The following DRC11L variants were observed in gnomAD, a reference collection of about 807,000 sequenced individuals.
The protein encoded by DRC11L is dynein regulatory complex subunit like-11.
the DRC11L span, chr7:151,198,746 C>A: frequency 2.5e-6 from 1 of 398,896 alleles, no homozygotes; most frequent in Non-Finnish European, 4.4e-6. Context: ...CCTGAGGGAC[C>A]CTGAGCGAAG....
chr7:151,192,931 G>T, the DRC11L span: 1 of 398,504 alleles, frequency 2.5e-6, no homozygotes, highest in South Asian at 1.3e-4. Context: ...TTGAGCAGGG[G>T]CTGACCTTGG....
At chr7:151,203,138 G>A in the DRC11L span, 7 of 399,112 alleles carry the variant, frequency 1.8e-5, no homozygotes, top group East Asian at 2.5e-4. Flanking sequence ...ACATGAGGGA[G>A]AGCTTGCATC....
the DRC11L span, among the ~76,000 whole-genome samples, chr7:151,200,129 C>A: frequency 6.6e-6 from 1 of 152,202 alleles, no homozygotes; most frequent in African/African-American, 2.4e-5. Context: ...CCAGGATGCT[C>A]TACACAGTGC....
chr7:151,196,835 T>G, the DRC11L span: 1 of 398,104 alleles, frequency 2.5e-6, no homozygotes, highest in Admixed American at 4.4e-5. Context: ...TACCTCCCTC[T>G]CCTCATTTGG....
At chr7:151,197,352 T>C in the DRC11L span, 2 of 399,088 alleles carry the variant, frequency 5.0e-6, no homozygotes, top group Non-Finnish European at 4.4e-6. Flanking sequence ...CCAAGACATT[T>C]CAGAGAAGAT....
the DRC11L span, among the ~76,000 whole-genome samples, chr7:151,199,531 C>G: frequency 6.6e-6 from 1 of 152,200 alleles, no homozygotes; most frequent in African/African-American, 2.4e-5. The surrounding 1 kb of genome is among the most constrained non-coding windows in gnomAD (Gnocchi z 5.2). Flanking sequence ...TTTCGGCCTG[C>G]TCTCGTCTCC....
At chr7:151,198,653 T>A in the DRC11L span, 1 of 395,938 alleles carries the variant, frequency 2.5e-6, no homozygotes, top group Admixed American at 4.4e-5. Flanking sequence ...GTCAGCAGTG[T>A]GTTGGGGACC....
At chr7:151,204,996 A>T in the DRC11L span, among the ~76,000 whole-genome samples, 14 of 152,222 alleles carry the variant, frequency 9.2e-5, no homozygotes. Context: ...CCCGCAGGGC[A>T]ATGAGTGGAC....
At chr7:151,204,860 G>A in the DRC11L span, 2 of 398,980 alleles carry the variant, frequency 5.0e-6, no homozygotes, top group African/African-American at 2.1e-5. Context: ...GGCGGGCGCC[G>A]CGTGCTCTGA....
chr7:151,193,276 C>T, the DRC11L span: 1 of 399,306 alleles, frequency 2.5e-6, no homozygotes, highest in Admixed American at 4.4e-5. Flanking sequence ...ATGCCAAAAG[C>T]TGGGGGCTCC....
At chr7:151,192,949 T>A in the DRC11L span, 2 of 398,120 alleles carry the variant, frequency 5.0e-6, no homozygotes. Context: ...TGGAGCCCCG[T>A]CTCCACTCCC....
At chr7:151,194,571 A>G in the DRC11L span, 2 of 399,496 alleles carry the variant, frequency 5.0e-6, no homozygotes. Flanking sequence ...CAGAAATAAC[A>G]AGCTCTTCGT....
the DRC11L span, chr7:151,191,656 C>T: frequency 5.0e-6 from 2 of 399,260 alleles, no homozygotes; most frequent in Non-Finnish European, 4.4e-6. Flanking sequence ...ACTCCTCCTC[C>T]TCCCTGTACA....
the DRC11L span, chr7:151,203,437 C>G: frequency 4.3e-5 from 17 of 399,040 alleles, no homozygotes; most frequent in Non-Finnish European, 6.6e-5. Flanking sequence ...GGATCTCGGC[C>G]AGTATCAGCC....
chr7:151,204,387 C>T, the DRC11L span: 34 of 392,876 alleles, frequency 8.7e-5, no homozygotes, highest in African/African-American at 3.1e-4. Flanking sequence ...ATCCCTACCC[C>T]ACCCGACCCC....
At chr7:151,192,700 C>T in the DRC11L span, 1 of 399,094 alleles carries the variant, frequency 2.5e-6, no homozygotes, top group East Asian at 3.6e-5. Context: ...AGCCCCAGCT[C>T]ACGCTACCTG....
chr7:151,201,244 C>G, the DRC11L span, among the ~76,000 whole-genome samples: 1 of 152,254 alleles, frequency 6.6e-6, no homozygotes, highest in African/African-American at 2.4e-5. This position sits in a 1 kb window ranked among gnomAD's most constrained non-coding sequence, Gnocchi z 4.1. Flanking sequence ...TCCTCCCACT[C>G]CTGTGACCAC....
the DRC11L span, chr7:151,192,631 T>G: frequency 5.0e-6 from 2 of 398,768 alleles, no homozygotes; most frequent in African/African-American, 4.1e-5. Context: ...GAGGGGCATG[T>G]GCAAGGCCCC....
chr7:151,204,236 C>G, the DRC11L span, among the ~76,000 whole-genome samples: 2 of 152,224 alleles, frequency 1.3e-5, no homozygotes, highest in Non-Finnish European at 2.9e-5. Context: ...ATGCACACCC[C>G]CCACCGCCAA....
Sources: allele counts gnomAD v4.1 joint callset (sites outside exome capture counted in the v4.1 genomes callset), GRCh38; gene constraint gnomAD v4.1.1; non-coding constraint Gnocchi (gnomAD v3.1); transcripts MANE v1.5; gene names NCBI Gene and HGNC (gene_info 2026-07-23, HGNC 2026-07-21).